Variants in CPT1A observed in about 807,000 individuals in gnomAD.
CPT1A encodes the protein carnitine O-palmitoyltransferase 1, liver isoform.
A neutral mutation model predicts 100.8 loss-of-function variants in CPT1A; 64 were observed. That is an observed-to-expected ratio of 0.63 (90% confidence interval 0.52 to 0.78). The LOEUF is 0.78. Ranked by LOEUF, CPT1A falls within the 30% of genes least tolerant of loss-of-function variation. CPT1A has a pLI of 0.00. For synonymous variants in CPT1A, 363 were observed against 396.0 expected, an observed-to-expected ratio of 0.92 and a Z score of 0.99; for missense variants, 802 against 1,034.1, an observed-to-expected ratio of 0.78 and a Z score of 3.08.
intron 1 of CPT1A, among the ~76,000 whole-genome samples, chr11:68,823,573 G>A (rs1856642330): frequency 6.6e-6 from 1 of 151,980 alleles, no homozygotes; most frequent in African/African-American, 2.4e-5. Flanking sequence ...AGGATCAACT[G>A]AGGTCAGGAG....
At chr11:68,787,057 G>A (rs1344707466) in intron 9 of CPT1A, among the ~76,000 whole-genome samples, 1 of 152,170 alleles carries the variant, frequency 6.6e-6, no homozygotes, top group Non-Finnish European at 1.5e-5. Flanking sequence ...GGATTGAAAG[G>A]GAAATATCAA....
rs1224226554 is a variant in CPT1A, at chr11:68,793,313, A to G, written c.967+2T>C. The G allele has an allele frequency of 1.2e-6, 2 of 1,607,928 alleles. No homozygotes were observed. Among genetic ancestry groups the G allele is most frequent in the Non-Finnish European group, 1.7e-6 (2 of 1,176,786 alleles). On this transcript the variant is annotated splice_donor_variant, in intron 9 of 18. Transcript: ENST00000265641. LOFTEE classifies it high-confidence loss of function. ...AGGGGGCCCTGAAGAAGCTTGACTCACCTGTCTCCTCTCCTGGGATCCGGG... is the reference window on the plus strand; with the variant it reads ...AGGGGGCCCTGAAGAAGCTTGACTCGCCTGTCTCCTCTCCTGGGATCCGGG...
chr11:68,791,690 C>G lies in CPT1A; in HGVS notation c.967+1625G>C, dbSNP rs12363334. On this transcript the variant is annotated intron_variant, in intron 9 of 18. Coordinates refer to ENST00000265641, the MANE Select transcript of CPT1A (RefSeq NM_001876.4). ...TAGCTGGGATTACGGGTGCCCACCA[C>G]CATACCTGGCTAATTTTGTATTTTT... Among the ~76,000 whole-genome samples, 3 of 152,254 alleles carry G rather than the reference C, an allele frequency of 2.0e-5. No homozygotes were observed. The East Asian group carries it at 5.8e-4, about 29-fold the overall frequency.
At chr11:68,813,708 AGAGGG>A (rs398016536) in intron 2 of CPT1A, among the ~76,000 whole-genome samples, 3 of 147,516 alleles carry the variant, frequency 2.0e-5, no homozygotes, top group African/African-American at 7.4e-5. Context: ...AAAAAAAAAA[AGAGGG>A]GAGGGGAGGG....
intron 7 of CPT1A, among the ~76,000 whole-genome samples, chr11:68,795,887 C>G (rs568142828): frequency 1.4e-5 from 2 of 144,084 alleles, no homozygotes; most frequent in Admixed American, 1.4e-4. Context: ...CCAGCCTCAG[C>G]GACAGAGCAA....
chr11:68,807,115 T>C (rs7105481), intron 4 of CPT1A, among the ~76,000 whole-genome samples: 7,554 of 152,110 alleles, frequency 0.05, 619 homozygotes, highest in African/African-American at 0.17. Flanking sequence ...GGAGCCTGTC[T>C]GAGGGGTCAG....
In CPT1A at chr11:68,807,459, G is replaced by A. The variant is rs977843311; in HGVS notation, c.453+8C>T. The A allele has an allele frequency of 2.2e-5, 36 of 1,613,142 alleles. No individual in the cohort carries two copies. Among genetic ancestry groups the A allele is most frequent in the East Asian group, 4.5e-5 (2 of 44,858 alleles). On this transcript the variant is annotated splice_region_variant and intron_variant, in intron 4 of 18. Coordinates refer to ENST00000265641, the MANE Select transcript of CPT1A (RefSeq NM_001876.4). ...ACCCCCTCCACAGCCAGAGGGACAC[G>A]CAATTACCATCCAGATCTTGGTGGC...
intron 1 of CPT1A, among the ~76,000 whole-genome samples, chr11:68,822,036 G>A (rs954089055): frequency 6.6e-6 from 1 of 152,124 alleles, no homozygotes; most frequent in Non-Finnish European, 1.5e-5. Context: ...CTGGTCAAAT[G>A]GTGCAGCCAC....
chr11:68,796,823 T>C (rs1831292189), intron 7 of CPT1A, 33 bp downstream of exon 7: 1 of 1,608,914 alleles, frequency 6.2e-7, no homozygotes, highest in South Asian at 1.1e-5. Flanking sequence ...CCCACCGTCC[T>C]CGTCAGACAG....
At chr11:68,838,824 T>TC (rs1857087243) in intron 1 of CPT1A, among the ~76,000 whole-genome samples, 1 of 152,114 alleles carries the variant, frequency 6.6e-6, no homozygotes, top group Admixed American at 6.5e-5. Flanking sequence ...CACCTTGGCC[T>TC]CCCAAAGCAT....
At chr11:68,795,644 C>CTCA (rs1349921028) in intron 7 of CPT1A, among the ~76,000 whole-genome samples, 1 of 152,122 alleles carries the variant, frequency 6.6e-6, no homozygotes, top group East Asian at 1.9e-4. Flanking sequence ...AGGCCAGGTG[C>CTCA]TCATGTCTGT....
At chr11:68,769,748 A>G (rs913166882) in intron 14 of CPT1A, among the ~76,000 whole-genome samples, 2 of 152,038 alleles carry the variant, frequency 1.3e-5, no homozygotes, top group African/African-American at 4.8e-5. Context: ...CACTGTGTTC[A>G]TATTAAATGT....
intron 2 of CPT1A, among the ~76,000 whole-genome samples, chr11:68,814,385 C>A (rs1302091678): frequency 6.6e-6 from 1 of 152,070 alleles, no homozygotes; most frequent in African/African-American, 2.4e-5. Context: ...CGGCTCACTG[C>A]AAGCTCCGCC....
chr11:68,773,013 C>T (rs1325081512), intron 14 of CPT1A, among the ~76,000 whole-genome samples: 2 of 152,224 alleles, frequency 1.3e-5, no homozygotes, highest in East Asian at 3.8e-4. Context: ...CTCACTTTGT[C>T]CTCATCCCCC....
chr11:68,762,603 G>A (rs779814827), intron 15 of CPT1A, 24 bp downstream of exon 15: 5 of 1,612,522 alleles, frequency 3.1e-6, no homozygotes, highest in Non-Finnish European at 8.5e-7. Flanking sequence ...AGCACGTTGT[G>A]TCCTCAGCCT....
At position 68,798,037 on chromosome 11, in the gene CPT1A, C is replaced by T. The variant is rs142251990; in HGVS notation, c.694-1104G>A. On this transcript the variant is annotated intron_variant, in intron 6 of 18. Transcript: ENST00000265641. ...ACCAATGTTATGCAAAATTGCTCCA[C>T]AGACTGCTTCCCAGGTCTGCCTGAA... Among the ~76,000 whole-genome samples the T allele has an allele frequency of 1.4e-3, 207 of 152,308 alleles. 2 individuals are homozygous for T. The highest frequency in any genetic ancestry group is 7.5e-3 in the East Asian group (39 of 5,184).
rs934599484 is a variant in CPT1A, at chr11:68,785,843, T to C, written c.968-833A>G. On this transcript the variant is annotated intron_variant, in intron 9 of 18. Transcript: ENST00000265641. ...GTTTCTGAGAACCCGAGAAATGTTC[T>C]GAGAAAGAAAGTGGAAAATTACGAA... is the stretch of plus-strand genomic sequence containing the variant. 4 of 547,068 alleles carry C rather than the reference T, an allele frequency of 7.3e-6. No individual in the cohort carries two copies. The African/African-American group carries it at 7.7e-5, about 11-fold the overall frequency. The allele number at this position is 547,068 out of a possible 1,614,324, so 33.9% of individuals were successfully genotyped here.
rs552954046 is a variant in CPT1A at position 68,792,950 on chromosome 11, A to G, written c.967+365T>C. 9.4e-4 allele frequency among the ~76,000 whole-genome samples: 143 copies of G among 152,332 alleles called. 1 individual carries two copies. Among genetic ancestry groups the G allele is most frequent in the South Asian group, 8.3e-3 (40 of 4,824 alleles). On this transcript the variant is annotated intron_variant, in intron 9 of 18. Transcript: ENST00000265641. ...GTGGTCTCAGCTACTGGGGAGGCTA[A>G]GATGGGAGGATTCCTTGAGCTCAGG...
chr11:68,787,154 T>G (rs1566359066), intron 9 of CPT1A, among the ~76,000 whole-genome samples: 1 of 151,760 alleles, frequency 6.6e-6, no homozygotes, highest in Non-Finnish European at 1.5e-5. Flanking sequence ...AGCTGGGTAG[T>G]GGCTGGGTGC....
Sources: gnomAD v4.1 joint callset for allele counts (sites outside exome capture counted in the v4.1 genomes callset) on GRCh38, gnomAD v4.1.1 for gene constraint, MANE v1.5 for transcripts, NCBI Gene and HGNC (gene_info 2026-07-23, HGNC 2026-07-21) for gene names.